Variants in ANKRD30B observed in about 807,000 individuals in gnomAD.
The protein encoded by ANKRD30B is ankyrin repeat domain 30B.
In ANKRD30B, 144 loss-of-function variants were observed where a neutral mutation model predicts 202.2. That is an observed-to-expected ratio of 0.71 (90% CI 0.62 to 0.82). ANKRD30B has a LOEUF of 0.82. Ranked by LOEUF, ANKRD30B falls within the 40% of genes least tolerant of loss-of-function variation. The pLI is 0.00. For synonymous variants in ANKRD30B, 508 were observed against 561.3 expected (o/e 0.91, Z 1.34); for missense variants, 1,487 against 1,669.1 (o/e 0.89, Z 1.90).
chr18:14,895,732 C>T, the ANKRD30B span, among the ~76,000 whole-genome samples: 71 of 152,278 alleles, frequency 4.7e-4, no homozygotes, highest in African/African-American at 1.6e-3. Context: ...ACAAGGGGAA[C>T]CTTAAGTACA....
chr18:14,895,636 T>C, the ANKRD30B span, among the ~76,000 whole-genome samples: 4 of 152,142 alleles, frequency 2.6e-5, no homozygotes, highest in African/African-American at 7.2e-5. Flanking sequence ...ATCCAATAGG[T>C]AAATGGATAA....
At chr18:14,842,858 T>C in intron 37 of ANKRD30B, 39 bp from the exon 38 acceptor site, 2 of 1,540,972 alleles carry the variant, frequency 1.3e-6, no homozygotes, top group East Asian at 4.9e-5. Context: ...TTTTGTCATA[T>C]TTACTTATGA....
the ANKRD30B span, among the ~76,000 whole-genome samples, chr18:14,892,166 A>G: frequency 2.6e-5 from 4 of 152,222 alleles, no homozygotes; most frequent in Non-Finnish European, 4.4e-5. Context: ...TTTATTTAAT[A>G]TATTTTCTTT....
chr18:14,883,952 AG>A, the ANKRD30B span: 1 of 197,108 alleles, frequency 5.1e-6, no homozygotes, highest in Non-Finnish European at 8.5e-6. Flanking sequence ...TTCTCTTATT[AG>A]ACCCTGTAGA....
chr18:14,821,899 T>C lies in ANKRD30B; in HGVS notation c.2642-584T>C, dbSNP rs117325541. Among the ~76,000 whole-genome samples the C allele has an allele frequency of 2.2e-3, 329 of 152,342 alleles. 1 individual carries two copies. Among genetic ancestry groups the C allele is most frequent in the Non-Finnish European group, 3.8e-3 (261 of 68,032 alleles). On this transcript the variant is annotated intron_variant, in intron 30 of 43. Coordinates refer to ENST00000690538, the MANE Select transcript of ANKRD30B (RefSeq NM_001367607.2). ...TTCAAAAATAAATATATTTATAAAC[T>C]TTCATTCTATAAGTAGATATTTATG... is the stretch of plus-strand genomic sequence containing the variant.
At position 14,806,816 on chromosome 18, in the gene ANKRD30B, C is replaced by G. The variant is rs546249752; in HGVS notation, c.2285-1735C>G. ...CTCATGACACTCTGCTTTCTTTGCA[C>G]TTAGTGAGGATGTACATTTATCATA... On this transcript the variant is annotated intron_variant, in intron 24 of 43. Coordinates refer to ENST00000690538, the MANE Select transcript of ANKRD30B (RefSeq NM_001367607.2). 8.0e-5 allele frequency among the ~76,000 whole-genome samples: 12 copies of G among 149,874 alleles called. No homozygotes were observed. In the East Asian group the frequency reaches 2.3e-3, roughly 29 times the overall value.
chr18:14,929,774 A>T, the ANKRD30B span, among the ~76,000 whole-genome samples: 1 of 152,112 alleles, frequency 6.6e-6, no homozygotes, highest in Non-Finnish European at 1.5e-5. Context: ...AACGGCAACT[A>T]CAAGATATGT....
rs778697761 is a variant in ANKRD30B at position 14,769,420 on chromosome 18, A to G, written c.1256+47A>G. 7.5e-6 allele frequency: 11 copies of G among 1,469,722 alleles called. No individual in the cohort carries two copies. The South Asian group carries it at 1.2e-4, about 17-fold the overall frequency. The allele number at this position is 1,469,722 out of a possible 1,614,324, so 91.0% of individuals were successfully genotyped here. ...AAACGAATAGGTTAACTCAGAAAAC[A>G]TAGAGAAAAGAAATCACTATCTGCT... On this transcript the variant is annotated intron_variant, in intron 8 of 43. Coordinates refer to ENST00000690538, the MANE Select transcript of ANKRD30B (RefSeq NM_001367607.2).
intron 32 of ANKRD30B, among the ~76,000 whole-genome samples, chr18:14,825,632 T>C (rs929629516): frequency 2.0e-5 from 3 of 152,064 alleles, no homozygotes; most frequent in African/African-American, 7.2e-5. Context: ...CCCCCGGCCT[T>C]CCAAGAAGGT....
At chr18:14,780,427 A>G (rs1967651161) in intron 11 of ANKRD30B, among the ~76,000 whole-genome samples, 2 of 151,750 alleles carry the variant, frequency 1.3e-5, no homozygotes, top group African/African-American at 4.8e-5. Flanking sequence ...GCTGGGTGAC[A>G]GAGTGAGACT....
Position 14,854,325 on chromosome 18 carries a change from A to G in ANKRD30B, c.*167A>G, listed in dbSNP as rs1395045283. ...TAGGATGTACAGAACTAAAATGATA[A>G]AAGTCATATAACAATGGTACCCTAA... On this transcript the variant is annotated 3_prime_UTR_variant, in exon 44 of 44. Coordinates refer to ENST00000690538, the MANE Select transcript of ANKRD30B (RefSeq NM_001367607.2). Among the ~76,000 whole-genome samples the G allele has an allele frequency of 6.6e-6, 1 of 152,210 alleles. No homozygotes were observed. Among genetic ancestry groups the G allele is most frequent in the Non-Finnish European group, 1.5e-5 (1 of 68,040 alleles).
At chr18:14,888,753 T>C in the ANKRD30B span, 15 of 1,017,274 alleles carry the variant, frequency 1.5e-5, no homozygotes, top group Non-Finnish European at 1.8e-5. Flanking sequence ...TCTTTCTTCA[T>C]TTTTTTTCCT....
At chr18:14,750,481 T>C (rs1031841933) in intron 1 of ANKRD30B, among the ~76,000 whole-genome samples, 2 of 152,170 alleles carry the variant, frequency 1.3e-5, no homozygotes, top group Admixed American at 1.3e-4. Context: ...GTGATATTTA[T>C]AGTACTCCTT....
In ANKRD30B at chr18:14,822,664, A is replaced by T; in HGVS notation, c.2730A>T (p.Glu910Asp). 1 of 1,425,466 alleles carries T rather than the reference A, an allele frequency of 7.0e-7. No individual in the cohort carries two copies. Among genetic ancestry groups the T allele is most frequent in the Non-Finnish European group, 9.4e-7 (1 of 1,062,398 alleles). 88.3% of individuals were successfully genotyped at this position (1,425,466 alleles called of 1,614,324 possible). A position where few individuals can be genotyped will look rare whatever the true frequency, so the allele number is the denominator to read the frequency against. Residue 910 changes from glutamate to aspartate, a missense_variant, in exon 32 of 44, where the codon GAA becomes GAT. By Grantham distance (45) the Glu-to-Asp change is conservative. Transcript: ENST00000690538. ...AAGCCTTAGAATTGAAGGACAGAGAAACATTCAAAGCAGGTAAATTTTGTA... is the reference window on the plus strand; with the variant it reads ...AAGCCTTAGAATTGAAGGACAGAGATACATTCAAAGCAGGTAAATTTTGTA... ...PNKALELKDR[E>D]TFKAEDVSSV... is the part of the protein sequence containing the mutation.
At chr18:14,779,621 AGAT>A (rs1166853220) in intron 10 of ANKRD30B, among the ~76,000 whole-genome samples, 5 of 152,206 alleles carry the variant, frequency 3.3e-5, no homozygotes, top group East Asian at 1.9e-4. Flanking sequence ...GAGAATTGAG[AGAT>A]GATAAGTAAT....
At chr18:14,809,791 C>T (rs1292119975) in intron 26 of ANKRD30B, among the ~76,000 whole-genome samples, 195 bp from the exon 27 acceptor site, 3 of 150,992 alleles carry the variant, frequency 2.0e-5, no homozygotes, top group Non-Finnish European at 4.4e-5. Context: ...TCTTTCATTC[C>T]ATAGCAATAG....
chr18:14,896,658 T>A, the ANKRD30B span, among the ~76,000 whole-genome samples: 1 of 146,056 alleles, frequency 6.8e-6, no homozygotes, highest in African/African-American at 2.6e-5. Flanking sequence ...TCTTCCCCAA[T>A]GGATAACTTC....
chr18:14,893,618 A>C, the ANKRD30B span, among the ~76,000 whole-genome samples: 1 of 152,172 alleles, frequency 6.6e-6, no homozygotes, highest in Admixed American at 6.5e-5. Flanking sequence ...TCTCACAAAA[A>C]AAAAAAAAAG....
At chr18:14,846,121 A>G (rs542193775) in intron 39 of ANKRD30B, among the ~76,000 whole-genome samples, 24 of 151,610 alleles carry the variant, frequency 1.6e-4, no homozygotes, top group Non-Finnish European at 2.6e-4. Flanking sequence ...TTTACTTGAG[A>G]GTCTTCTAAT....
Sources: allele counts gnomAD v4.1 joint callset (sites outside exome capture counted in the v4.1 genomes callset), GRCh38; gene constraint gnomAD v4.1.1; transcripts MANE v1.5; gene names NCBI Gene and HGNC (gene_info 2026-07-23, HGNC 2026-07-21).